The following LRPPRC variants were observed in gnomAD, a reference collection of about 807,000 sequenced individuals.
LRPPRC encodes leucine-rich PPR motif-containing protein, mitochondrial.
Under a neutral mutation model 180.3 loss-of-function variants are expected in LRPPRC, and 120 were observed. That is an observed-to-expected ratio of 0.67 (90% CI 0.57 to 0.77). The LOEUF is 0.77. Ranked by LOEUF, LRPPRC falls within the 30% of genes least tolerant of loss-of-function variation. LRPPRC has a pLI of 0.00. For synonymous variants in LRPPRC, 723 were observed against 600.0 expected (o/e 1.21, Z -3.00); for missense variants, 2,012 against 1,657.2 (o/e 1.21, Z -3.72).
intron 29 of LRPPRC, among the ~76,000 whole-genome samples, chr2:43,913,492 T>C (rs1671336279): frequency 6.6e-6 from 1 of 152,206 alleles, no homozygotes. Context: ...ACTTTAGAAG[T>C]TTCTGAACAG....
chr2:43,919,026 C>T (rs893903556), intron 27 of LRPPRC, among the ~76,000 whole-genome samples: 2 of 151,944 alleles, frequency 1.3e-5, no homozygotes, highest in Admixed American at 6.6e-5. Context: ...TGTTAGGAAC[C>T]GGGCTGCACA....
chr2:43,923,985 A>G (rs1671788210), intron 27 of LRPPRC, among the ~76,000 whole-genome samples: 1 of 152,230 alleles, frequency 6.6e-6, no homozygotes, highest in African/African-American at 2.4e-5. Flanking sequence ...GAATTTGATC[A>G]TCGTTCAAGC....
chr2:43,921,508 A>T (rs1022634200), intron 27 of LRPPRC, among the ~76,000 whole-genome samples: 7 of 142,966 alleles, frequency 4.9e-5, no homozygotes, highest in African/African-American at 2.1e-4. Context: ...GAAACAAGTA[A>T]AGTATAAAAC....
At chr2:43,918,477 A>T in intron 27 of LRPPRC, 79 bp from the exon 28 acceptor site, 1 of 1,085,070 alleles carries the variant, frequency 9.2e-7, no homozygotes, top group South Asian at 1.3e-5. Context: ...ACTTTTTCTT[A>T]TTTGATGTTG....
intron 27 of LRPPRC, among the ~76,000 whole-genome samples, chr2:43,921,943 T>C (rs1361395941): frequency 6.6e-6 from 1 of 152,240 alleles, no homozygotes; most frequent in South Asian, 2.1e-4. Flanking sequence ...GACTCTTGGA[T>C]AGACTACTAT....
At chr2:43,980,499 G>A (rs1253425242) in intron 2 of LRPPRC, among the ~76,000 whole-genome samples, 4 of 147,566 alleles carry the variant, frequency 2.7e-5, no homozygotes, top group African/African-American at 1.0e-4. Context: ...GCTGCGGTGA[G>A]CCGACATTGC....
At chr2:43,889,302 G>A (rs577757454) in intron 37 of LRPPRC, among the ~76,000 whole-genome samples, 415 of 97,182 alleles carry the variant, frequency 4.3e-3, no homozygotes, top group African/African-American at 0.016. Flanking sequence ...GCAACACAGC[G>A]AGACTCCATC....
At chr2:43,920,518 A>T (rs1237097110) in intron 27 of LRPPRC, among the ~76,000 whole-genome samples, 2 of 152,202 alleles carry the variant, frequency 1.3e-5, no homozygotes, top group South Asian at 2.1e-4. Context: ...GATTTTATAC[A>T]TATACTGATA....
intron 30 of LRPPRC, among the ~76,000 whole-genome samples, chr2:43,907,619 A>G (rs568044830): frequency 3.3e-5 from 5 of 152,192 alleles, no homozygotes; most frequent in Non-Finnish European, 7.3e-5. Flanking sequence ...TATTTTAACT[A>G]ATTTAAATTT....
intron 25 of LRPPRC, among the ~76,000 whole-genome samples, chr2:43,926,907 C>G (rs995666510): frequency 6.6e-6 from 1 of 152,158 alleles, no homozygotes; most frequent in Non-Finnish European, 1.5e-5. Flanking sequence ...AAGCTAAGTA[C>G]TTTAAAATTG....
chr2:43,980,009 T>C (rs1272202045), intron 2 of LRPPRC, 61 bp from the exon 3 acceptor site: 18 of 1,517,070 alleles, frequency 1.2e-5, no homozygotes, highest in Non-Finnish European at 1.6e-5. Context: ...TAGATAAATA[T>C]CAAAATTTAA....
In LRPPRC at chr2:43,993,682, C is replaced by G. The variant is rs1323897935; in HGVS notation, c.149+2117G>C. 5.3e-5 allele frequency among the ~76,000 whole-genome samples: 8 copies of G among 151,170 alleles called. No homozygotes were observed. The East Asian group carries it at 1.6e-3, about 29-fold the overall frequency. ...TCTTTATTGCCTGCTGTCACCTGAA[C>G]ACACAGTGGTGAACAAGACAAAGTC... On this transcript the variant is annotated intron_variant, in intron 1 of 37. Coordinates refer to ENST00000260665, the MANE Select transcript of LRPPRC (RefSeq NM_133259.4).
In LRPPRC at chr2:43,950,591, A is replaced by G. The variant is rs1672861077; in HGVS notation, c.1659T>C (p.Asn553=). 3 of 1,613,666 alleles carry G rather than the reference A, an allele frequency of 1.9e-6. No homozygotes were observed. The highest frequency in any genetic ancestry group is 1.6e-4 in the Middle Eastern group (1 of 6,062). The change falls in exon 15 of 38, where the codon AAT becomes AAC. Residue 553 remains asparagine, a synonymous_variant. Coordinates refer to ENST00000260665, the MANE Select transcript of LRPPRC (RefSeq NM_133259.4). The stretch of plus-strand genomic sequence containing the variant: ...GACTTACCTCGCTCCAAAGATTTAT[A>G]TTCATAGACCTGCAGAGGGCAGCAA... ...SLLLGFRRSM[N]INLWSEITEL...
intron 1 of LRPPRC, among the ~76,000 whole-genome samples, chr2:43,994,370 G>C (rs1463639091): frequency 1.3e-5 from 2 of 152,156 alleles, no homozygotes; most frequent in Non-Finnish European, 2.9e-5. Flanking sequence ...GGTCCATGAA[G>C]GTCCGCATAA....
At chr2:43,959,172 G>C (rs561862377) in intron 13 of LRPPRC, 1 of 715,722 alleles carries the variant, frequency 1.4e-6, no homozygotes, top group East Asian at 2.7e-5. Flanking sequence ...CGTGAGCCCA[G>C]ATTCCTCTGC....
At chr2:43,985,668 C>T (rs1051289929) in intron 1 of LRPPRC, among the ~76,000 whole-genome samples, 14 of 152,194 alleles carry the variant, frequency 9.2e-5, no homozygotes, top group African/African-American at 3.4e-4. Context: ...TGACGGCGCA[C>T]TTCTTTTCAT....
chr2:43,975,744 G>A (rs762678302), intron 6 of LRPPRC, among the ~76,000 whole-genome samples: 1 of 151,912 alleles, frequency 6.6e-6, no homozygotes, highest in Non-Finnish European at 1.5e-5. Flanking sequence ...CATCATGCCC[G>A]GCTAAATTTT....
At chr2:43,896,036 A>G (rs757015363) in intron 35 of LRPPRC, among the ~76,000 whole-genome samples, 2 of 152,024 alleles carry the variant, frequency 1.3e-5, no homozygotes, top group African/African-American at 4.8e-5. Flanking sequence ...CTCCATATCA[A>G]TTTGAAAGCC....
At position 43,948,532 on chromosome 2, in the gene LRPPRC, CA is replaced by C; in HGVS notation, c.1736-15del. 1 of 1,241,938 alleles carries C rather than the reference CA, an allele frequency of 8.1e-7. No individual in the cohort carries two copies. The highest frequency in any genetic ancestry group is 1.2e-6 in the Non-Finnish European group (1 of 840,224). 76.9% of individuals were successfully genotyped at this position (1,241,938 alleles called of 1,614,324 possible). On this transcript the variant is annotated splice_polypyrimidine_tract_variant and intron_variant, in intron 16 of 37. Transcript: ENST00000260665. ...AGCCAACAGCTTCTGTGGAAAAAAACAAGAGAAAGCATTCCACTAAAATTAC... is the reference window on the plus strand; with the variant it reads ...AGCCAACAGCTTCTGTGGAAAAAAACAGAGAAAGCATTCCACTAAAATTAC...
Sources: allele counts gnomAD v4.1 joint callset (sites outside exome capture counted in the v4.1 genomes callset), GRCh38; gene constraint gnomAD v4.1.1; transcripts MANE v1.5; gene names NCBI Gene and HGNC (gene_info 2026-07-23, HGNC 2026-07-21).